Variants in NUDT5 observed in about 807,000 individuals in gnomAD.
The protein encoded by NUDT5 is nudix hydrolase 5, also known as ADP-sugar pyrophosphatase.
A neutral mutation model predicts 34.1 loss-of-function variants in NUDT5; 21 were observed. That is an observed-to-expected ratio of 0.62 (90% CI 0.44 to 0.89). NUDT5 has a LOEUF of 0.89. NUDT5 is among the 40% of genes least tolerant of loss of function. The pLI is 0.00. For missense variants in NUDT5, 249 were observed against 274.8 expected (o/e 0.91, Z 0.66); for synonymous variants, 85 against 97.6 (o/e 0.87, Z 0.76).
intron 1 of NUDT5, among the ~76,000 whole-genome samples, chr10:12,193,570 C>T (rs1835272334): frequency 6.6e-6 from 1 of 152,142 alleles, no homozygotes; most frequent in African/African-American, 2.4e-5. Context: ...AAGACAACCA[C>T]GGTGGTTAAA....
In NUDT5 at chr10:12,182,375, T is replaced by A. The variant is rs750089297; in HGVS notation, c.131+2514A>T. 6.6e-6 allele frequency among the ~76,000 whole-genome samples: 1 copy of A among 152,158 alleles called. No individual in the cohort carries two copies. Among genetic ancestry groups the A allele is most frequent in the Non-Finnish European group, 1.5e-5 (1 of 68,024 alleles). On this transcript the variant is annotated intron_variant, in intron 3 of 9. Coordinates refer to ENST00000491614, the MANE Select transcript of NUDT5 (RefSeq NM_014142.4). This position sits in a 1 kb window ranked among gnomAD's most constrained non-coding sequence, Gnocchi z 4.3. The stretch of plus-strand genomic sequence containing the variant: ...CAACCTGTACACGCAGGCTTTTATA[T>A]CAGGTCAGAGATAACACATCCTATA...
chr10:12,178,962 T>G (rs201661226), intron 4 of NUDT5, 121 bp downstream of exon 4: 43 of 854,264 alleles, frequency 5.0e-5, no homozygotes, highest in Admixed American at 1.1e-4. Context: ...TGGCAAAACC[T>G]AAGCGGAGAT....
At chr10:12,193,455 CAT>C (rs1416453036) in intron 1 of NUDT5, among the ~76,000 whole-genome samples, 1 of 152,188 alleles carries the variant, frequency 6.6e-6, no homozygotes, top group Non-Finnish European at 1.5e-5. Context: ...CCCATAATCA[CAT>C]GACTACTGAC....
chr10:12,173,627 A>T lies in NUDT5; in HGVS notation c.385+91T>A. 1 of 987,194 alleles carries T rather than the reference A, an allele frequency of 1.0e-6. No individual in the cohort carries two copies. Among genetic ancestry groups the T allele is most frequent in the Non-Finnish European group, 1.6e-6 (1 of 613,038 alleles). The allele number at this position is 987,194 out of a possible 1,614,324, so 61.2% of individuals were successfully genotyped here. A position where few individuals can be genotyped will look rare whatever the true frequency, so the allele number is the denominator to read the frequency against. ...CCTAATCTGTGATTTCTTTCTCTTC[A>T]GTGAATTCTGAGCGTAAAGAACACC... On this transcript the variant is annotated intron_variant, in intron 6 of 9. Coordinates refer to ENST00000491614, the MANE Select transcript of NUDT5 (RefSeq NM_014142.4). The surrounding 1 kb of genome is among the most constrained non-coding windows in gnomAD (Gnocchi z 4.7).
intron 5 of NUDT5, among the ~76,000 whole-genome samples, chr10:12,177,495 G>C (rs1023338999): frequency 6.6e-6 from 1 of 152,216 alleles, no homozygotes; most frequent in African/African-American, 2.4e-5. Flanking sequence ...CTCCAGCCTG[G>C]GTGATAGAGC....
chr10:12,176,607 T>A (rs943114370), intron 5 of NUDT5, among the ~76,000 whole-genome samples: 2 of 151,566 alleles, frequency 1.3e-5, no homozygotes, highest in African/African-American at 4.9e-5. Flanking sequence ...CCGTCTCAAA[T>A]AATAATAATA....
intron 4 of NUDT5, among the ~76,000 whole-genome samples, chr10:12,178,140 A>C (rs1044887085): frequency 2.7e-4 from 1 of 3,764 alleles, no homozygotes; most frequent in African/African-American, 2.9e-4. Flanking sequence ...CTTAAACTAA[A>C]ATCGGAATAA....
At chr10:12,176,937 C>T (rs1436374467) in intron 5 of NUDT5, among the ~76,000 whole-genome samples, 1 of 152,028 alleles carries the variant, frequency 6.6e-6, no homozygotes, top group Non-Finnish European at 1.5e-5. Flanking sequence ...GCCTGGGCAA[C>T]ACAGTGAAAC....
At chr10:12,193,961 C>G (rs1398381041) in intron 1 of NUDT5, among the ~76,000 whole-genome samples, 2 of 152,078 alleles carry the variant, frequency 1.3e-5, no homozygotes, top group African/African-American at 4.8e-5. Context: ...ATCGCAACCT[C>G]CGCCTCCCGG....
rs1245039484 is a variant in NUDT5 at position 12,168,263 on chromosome 10, A to C, written c.551-452T>G. 3.9e-5 allele frequency among the ~76,000 whole-genome samples: 6 copies of C among 152,132 alleles called. No homozygotes were observed. The highest frequency in any genetic ancestry group is 1.4e-4 in the African/African-American group (6 of 41,422). On this transcript the variant is annotated intron_variant, in intron 9 of 9. Coordinates refer to ENST00000491614, the MANE Select transcript of NUDT5 (RefSeq NM_014142.4). The surrounding 1 kb of genome is among the most constrained non-coding windows in gnomAD (Gnocchi z 4.8). ...ATGGTTTCGATCTCCTGACCTCGTGATCCACCCGCCTCAGCCTCCCAAAGT... is the reference window on the plus strand; with the variant it reads ...ATGGTTTCGATCTCCTGACCTCGTGCTCCACCCGCCTCAGCCTCCCAAAGT...
intron 2 of NUDT5, 139 bp from the exon 3 acceptor site, chr10:12,185,095 G>T: frequency 5.6e-6 from 3 of 536,160 alleles, no homozygotes; most frequent in Non-Finnish European, 9.9e-6. Context: ...CTGTGGGCAC[G>T]TTTTTCAGTT....
intron 3 of NUDT5, chr10:12,180,360 G>C (rs757067887): frequency 6.6e-6 from 1 of 152,154 alleles, no homozygotes; most frequent in Non-Finnish European, 1.5e-5. Context: ...AGCAATGCTG[G>C]TAAGTAAATC....
At position 12,169,335 on chromosome 10, in the gene NUDT5, C is replaced by G. The variant is rs1388315089; in HGVS notation, c.550+1382G>C. On this transcript the variant is annotated intron_variant, in intron 9 of 9. Transcript: ENST00000491614. The surrounding 1 kb of genome is among the most constrained non-coding windows in gnomAD (Gnocchi z 4.8). ...AGGATACTCTTCTACTAAAAGATAA[C>G]CCCGCACGGCATTTCACACTTGCCT... The G allele has an allele frequency of 1.9e-6, 3 of 1,543,150 alleles. No homozygotes were observed. Among genetic ancestry groups the G allele is most frequent in the Middle Eastern group, 1.7e-4 (1 of 5,976 alleles).
Position 12,195,887 on chromosome 10 carries a change from T to C in NUDT5, c.-159A>G, listed in dbSNP as rs1451454235. On this transcript the variant is annotated 5_prime_UTR_variant, in exon 1 of 10. Transcript: ENST00000491614. ...GGCGCCTCTCGCGGTGCTAAAAGGA[T>C]GGGCGCGCACCCTCCTTCCGGCATC... The C allele has an allele frequency of 1.8e-5, 5 of 284,372 alleles. No individual in the cohort carries two copies. Among genetic ancestry groups the C allele is most frequent in the Admixed American group, 4.9e-5 (1 of 20,334 alleles). The allele number at this position is 284,372 out of a possible 1,614,324, so 17.6% of individuals were successfully genotyped here. A position where few individuals can be genotyped will look rare whatever the true frequency, so the allele number is the denominator to read the frequency against.
rs1375924756 is a variant in NUDT5 at position 12,172,776 on chromosome 10, T to C, written c.476A>G (p.Lys159Arg). The C allele has an allele frequency of 6.2e-7, 1 of 1,613,878 alleles. No homozygotes were observed. Reference protein sequence around the residue: ...NGDDAENARPKPKPGDGEFVE... With the variant: ...NGDDAENARPRPKPGDGEFVE... ...CGACACACACATACCTGGCTTTGGCTTCGGCCTTGCGTTTTCGGCATCATC... is the reference window on the plus strand; with the variant it reads ...CGACACACACATACCTGGCTTTGGCCTCGGCCTTGCGTTTTCGGCATCATC... Residue 159 changes from lysine to arginine, a missense_variant, in exon 7 of 10, where the codon AAG becomes AGG. Coordinates refer to ENST00000491614, the MANE Select transcript of NUDT5 (RefSeq NM_014142.4).
intron 3 of NUDT5, among the ~76,000 whole-genome samples, 194 bp downstream of exon 3, chr10:12,184,695 G>C (rs1835097024): frequency 6.6e-6 from 1 of 152,116 alleles, no homozygotes; most frequent in African/African-American, 2.4e-5. Flanking sequence ...ATTAGTTATT[G>C]TAACACATTT....
rs1336698293 is a variant in NUDT5 at position 12,169,405 on chromosome 10, T to TA, written c.550+1311dup. 1 of 966,288 alleles carries TA rather than the reference T, an allele frequency of 1.0e-6. No individual in the cohort carries two copies. Among genetic ancestry groups the TA allele is most frequent in the Admixed American group, 2.7e-5 (1 of 37,354 alleles). The allele number at this position is 966,288 out of a possible 1,614,324, so 59.9% of individuals were successfully genotyped here. ...GCACCTCCTCAGAGGGAGGGGCTGT[T>TA]ATTGTTCCTGTTTTATGAAAAAAGC... On this transcript the variant is annotated intron_variant, in intron 9 of 9. Transcript: ENST00000491614. The surrounding 1 kb of genome is among the most constrained non-coding windows in gnomAD (Gnocchi z 4.8).
At chr10:12,184,753 A>T in intron 3 of NUDT5, 136 bp downstream of exon 3, 1 of 671,768 alleles carries the variant, frequency 1.5e-6, no homozygotes, top group South Asian at 2.0e-5. Flanking sequence ...ACATCCTAAC[A>T]CTGGAAAAAC....
chr10:12,177,521 A>AAAACAAAACAAAAAC (rs1834973540), intron 5 of NUDT5, among the ~76,000 whole-genome samples: 1 of 152,214 alleles, frequency 6.6e-6, no homozygotes, highest in Non-Finnish European at 1.5e-5. Flanking sequence ...TCCGTCTCAC[A>AAAACAAAACAAAAAC]AAACAAAACA....
Sources: allele counts gnomAD v4.1 joint callset (sites outside exome capture counted in the v4.1 genomes callset), GRCh38; gene constraint gnomAD v4.1.1; non-coding constraint Gnocchi (gnomAD v3.1); transcripts MANE v1.5; gene names NCBI Gene and HGNC (gene_info 2026-07-23, HGNC 2026-07-21).